GSTM3: variants seen among roughly 807,000 people sequenced by gnomAD.
GSTM3 encodes the protein glutathione S-transferase mu 3, also known as GST class-mu 3.
In GSTM3, 34 loss-of-function variants were observed where a neutral mutation model predicts 36.1. The observed-to-expected ratio is 0.94, with a 90% confidence interval of 0.72 to 1.25. The LOEUF is 1.25. Among genes scored for constraint, GSTM3 ranks in the 50% most tolerant of loss-of-function variants. The pLI is 0.00. For missense variants in GSTM3, 266 were observed against 281.6 expected, an observed-to-expected ratio of 0.94 and a Z score of 0.40; for synonymous variants, 102 against 99.5, an observed-to-expected ratio of 1.03 and a Z score of -0.15.
intron 4 of GSTM3, among the ~76,000 whole-genome samples, chr1:109,739,115 T>C (rs528662372): frequency 6.6e-6 from 1 of 152,246 alleles, no homozygotes; most frequent in South Asian, 2.1e-4. Flanking sequence ...AGTGAGACAC[T>C]GTCTCAAAAC....
intron 2 of GSTM3, 101 bp downstream of exon 2, chr1:109,740,139 C>T (rs1334775130): frequency 8.8e-7 from 1 of 1,138,190 alleles, no homozygotes; most frequent in African/African-American, 1.5e-5. Flanking sequence ...GAAAAGGCTC[C>T]CGCGTAGAGC....
At chr1:109,738,478 C>T in intron 4 of GSTM3, 112 bp from the exon 5 acceptor site, 1 of 708,342 alleles carries the variant, frequency 1.4e-6, no homozygotes, top group Non-Finnish European at 2.5e-6. Flanking sequence ...TGAGAAGATG[C>T]TGTGTTAGGA....
rs1270075353 is a variant in GSTM3 at position 109,734,952 on chromosome 1, A to C, written c.*2119T>G. ...AGGAGAGTGGTGCCAAGTCATCTCC[A>C]CAGGAGTCAGTGTTTCTTAAGTTTG... On this transcript the variant is annotated 3_prime_UTR_variant, in exon 9 of 9. Coordinates refer to ENST00000361066, the MANE Select transcript of GSTM3 (RefSeq NM_000849.5). The C allele has an allele frequency of 3.3e-5, 5 of 152,314 alleles. No individual in the cohort carries two copies. The highest frequency in any genetic ancestry group is 2.0e-4 in the Admixed American group (3 of 15,284). 9.4% of individuals were successfully genotyped at this position (152,314 alleles called of 1,614,324 possible). A position where few individuals can be genotyped will look rare whatever the true frequency, so the allele number is the denominator to read the frequency against.
At chr1:109,737,370 C>A (rs113741303) in intron 8 of GSTM3, 87 bp downstream of exon 8, 1 of 947,910 alleles carries the variant, frequency 1.1e-6, no homozygotes, top group Admixed American at 1.8e-5. Context: ...AGGCAAAAGC[C>A]GGGGAAGAAT....
rs536867758 is a variant in GSTM3, at chr1:109,740,163, G to A, written c.48+77C>T. ...CCCGCGTAGAGCTGCTCCTGCTGGA[G>A]ATCGCGGACCCAGAGACCCGCCCTC... On this transcript the variant is annotated intron_variant, in intron 2 of 8. Coordinates refer to ENST00000361066, the MANE Select transcript of GSTM3 (RefSeq NM_000849.5). 6.3e-5 allele frequency: 83 copies of A among 1,317,368 alleles called. No individual in the cohort carries two copies. In the African/African-American group the frequency reaches 9.4e-4, roughly 15 times the overall value. 81.6% of individuals were successfully genotyped at this position (1,317,368 alleles called of 1,614,324 possible). A position where few individuals can be genotyped will look rare whatever the true frequency, so the allele number is the denominator to read the frequency against.
intron 4 of GSTM3, among the ~76,000 whole-genome samples, chr1:109,739,098 GC>G (rs1649293252): frequency 1.3e-5 from 2 of 152,164 alleles, no homozygotes; most frequent in Admixed American, 1.3e-4. Context: ...TCCAGCCTGA[GC>G]GACAGAGTGA....
rs200624404 is a variant in GSTM3, at chr1:109,737,140, C to G, written c.609G>C (p.Gln203His). Residue 203 changes from glutamine to histidine, a missense_variant, in exon 9 of 9, where the codon CAG becomes CAC. Gln to His is a conservative substitution (Grantham distance 24, BLOSUM62 0). Transcript: ENST00000361066. ...EALEKIAAYLQSDQFCKMPIN... is the reference protein window; with the variant it reads ...EALEKIAAYLHSDQFCKMPIN... ...TGGGCATCTTGCAGAACTGATCAGA[C>G]TGTAAGTAGGCAGCGATTTTCTCCA... is the stretch of plus-strand genomic sequence containing the variant. 1.9e-6 allele frequency: 3 copies of G among 1,613,900 alleles called. No homozygotes were observed. The highest frequency in any genetic ancestry group is 2.5e-6 in the Non-Finnish European group (3 of 1,179,750).
chr1:109,739,026 T>C (rs1041322404), intron 4 of GSTM3, among the ~76,000 whole-genome samples: 1 of 151,998 alleles, frequency 6.6e-6, no homozygotes, highest in South Asian at 2.1e-4. Flanking sequence ...GAGGCTGAGG[T>C]GGGAGGACTG....
At chr1:109,737,313 C>T (rs1649230606) in intron 8 of GSTM3, 144 bp from the exon 9 acceptor site, 3 of 803,470 alleles carry the variant, frequency 3.7e-6, no homozygotes, top group African/African-American at 1.7e-5. Context: ...AAGTTAGGCT[C>T]TTCCCAAGAC....
In GSTM3 at chr1:109,739,948, C is replaced by A. The variant is rs763286322; in HGVS notation, c.49-40G>T. 3 of 1,416,510 alleles carry A rather than the reference C, an allele frequency of 2.1e-6. No individual in the cohort carries two copies. In the South Asian group the frequency reaches 3.7e-5, roughly 17 times the overall value. The allele number at this position is 1,416,510 out of a possible 1,614,324, so 87.7% of individuals were successfully genotyped here. A position where few individuals can be genotyped will look rare whatever the true frequency, so the allele number is the denominator to read the frequency against. ...GGTTCAGCGACTGCGCAGCTCCCAC[C>A]CATTCCCAACCCCCGCCCGCTAACG... On this transcript the variant is annotated intron_variant, in intron 2 of 8. Coordinates refer to ENST00000361066, the MANE Select transcript of GSTM3 (RefSeq NM_000849.5).
In GSTM3 at chr1:109,736,681, G is replaced by A. The variant is rs1649208674; in HGVS notation, c.*390C>T. 1.7e-5 allele frequency: 3 copies of A among 173,130 alleles called. No homozygotes were observed. Among genetic ancestry groups the A allele is most frequent in the Non-Finnish European group, 2.5e-5 (2 of 81,628 alleles). The allele number at this position is 173,130 out of a possible 1,614,324, so 10.7% of individuals were successfully genotyped here. ...CTAAACTCCCATGTGTACACAGGAC[G>A]GTTTCCGAACTCCGGTTAAGTCCAT... is the stretch of plus-strand genomic sequence containing the variant. On this transcript the variant is annotated 3_prime_UTR_variant, in exon 9 of 9. Coordinates refer to ENST00000361066, the MANE Select transcript of GSTM3 (RefSeq NM_000849.5).
intron 2 of GSTM3, 83 bp downstream of exon 2, chr1:109,740,157 G>T: frequency 7.9e-7 from 1 of 1,259,278 alleles, no homozygotes; most frequent in Non-Finnish European, 1.1e-6. Flanking sequence ...AGCTGCTCCT[G>T]CTGGAGATCG....
Position 109,736,184 on chromosome 1 carries a change from TTC to T in GSTM3, c.*885_*886del, listed in dbSNP as rs1273352201. On this transcript the variant is annotated 3_prime_UTR_variant, in exon 9 of 9. Transcript: ENST00000361066. ...ATCTTTTAGACATTTTTGGCTATAT[TTC>T]TATTTTATAAATTGTTCATGGATTT... The T allele has an allele frequency of 2.0e-5, 3 of 152,242 alleles. No individual in the cohort carries two copies. Among genetic ancestry groups the T allele is most frequent in the Admixed American group, 6.5e-5 (1 of 15,292 alleles). The allele number at this position is 152,242 out of a possible 1,614,324, so 9.4% of individuals were successfully genotyped here.
chr1:109,736,883 TC>T lies in GSTM3; in HGVS notation c.*187del. 1 of 557,848 alleles carries T rather than the reference TC, an allele frequency of 1.8e-6. No homozygotes were observed. The highest frequency in any genetic ancestry group is 2.1e-5 in the South Asian group (1 of 47,242). 34.6% of individuals were successfully genotyped at this position (557,848 alleles called of 1,614,324 possible). ...GTTGGGGAGTAGGGAAATGCCAGTA[TC>T]GCAGCGATTCAATTCATATCTTGAT... On this transcript the variant is annotated 3_prime_UTR_variant, in exon 9 of 9. Transcript: ENST00000361066.
chr1:109,740,430 A>G lies in GSTM3; in HGVS notation c.-143T>C. 2 of 710,066 alleles carry G rather than the reference A, an allele frequency of 2.8e-6. No homozygotes were observed. The highest frequency in any genetic ancestry group is 1.8e-5 in the African/African-American group (1 of 55,532). 44.0% of individuals were successfully genotyped at this position (710,066 alleles called of 1,614,324 possible). On this transcript the variant is annotated 5_prime_UTR_variant, in exon 2 of 9. Coordinates refer to ENST00000361066, the MANE Select transcript of GSTM3 (RefSeq NM_000849.5). ...CTCCGTCCCTTGCCTCCGCGGCTCC[A>G]CAGGGCCGTGCGCAGGCGCGACTAA...
At chr1:109,738,624 A>G (rs1231914711) in intron 4 of GSTM3, among the ~76,000 whole-genome samples, 1 of 152,236 alleles carries the variant, frequency 6.6e-6, no homozygotes, top group Admixed American at 6.5e-5. Flanking sequence ...TAAATGCATG[A>G]AGCAAAATAG....
chr1:109,737,565 G>A lies in GSTM3; in HGVS notation c.471C>T (p.Leu157=), dbSNP rs200802262. ...GKFSWFAGEK[L]TFVDFLTYDI... ...CATAGGTGAGAAAATCCACAAAGGT[G>A]AGCTAGAAGAAAAGCAATAAGATGC... The change falls in exon 8 of 9, where the codon CTC becomes CTT. Residue 157 remains leucine (L), a splice_region_variant and synonymous_variant. Coordinates refer to ENST00000361066, the MANE Select transcript of GSTM3 (RefSeq NM_000849.5). 4 of 1,605,172 alleles carry A rather than the reference G, an allele frequency of 2.5e-6. No individual in the cohort carries two copies. Among genetic ancestry groups the A allele is most frequent in the Non-Finnish European group, 3.4e-6 (4 of 1,172,168 alleles).
At chr1:109,740,037 G>A in intron 2 of GSTM3, 129 bp from the exon 3 acceptor site, 1 of 909,932 alleles carries the variant, frequency 1.1e-6, no homozygotes, top group East Asian at 2.6e-5. Flanking sequence ...CGGCCCCTAG[G>A]CCCGGCTCCG....
Position 109,735,921 on chromosome 1 carries a change from G to GT in GSTM3, c.*1149dup, listed in dbSNP as rs1378531795. The stretch of plus-strand genomic sequence containing the variant: ...CTCCCAAAGTGCTGGGATTACAGGC[G>GT]TGAGCCACCAAGCCCGGCCATGGAT... On this transcript the variant is annotated 3_prime_UTR_variant, in exon 9 of 9. Transcript: ENST00000361066. 2.0e-5 allele frequency: 3 copies of GT among 152,164 alleles called. No individual in the cohort carries two copies. Among genetic ancestry groups the GT allele is most frequent in the Non-Finnish European group, 4.4e-5 (3 of 68,036 alleles). 9.4% of individuals were successfully genotyped at this position (152,164 alleles called of 1,614,324 possible). A position where few individuals can be genotyped will look rare whatever the true frequency, so the allele number is the denominator to read the frequency against.
Sources: allele counts gnomAD v4.1 joint callset (sites outside exome capture counted in the v4.1 genomes callset), GRCh38; gene constraint gnomAD v4.1.1; transcripts MANE v1.5; gene names NCBI Gene and HGNC (gene_info 2026-07-23, HGNC 2026-07-21).